The following HSPA12B variants were observed in gnomAD, a reference collection of about 807,000 sequenced individuals.
HSPA12B encodes heat shock protein family A (Hsp70) member 12B, also known as heat shock 70 kDa protein 12B.
In HSPA12B, 54 loss-of-function variants were observed where a neutral mutation model predicts 69.3. The ratio of observed to expected loss-of-function variants is 0.78; its 90% CI spans 0.63 to 0.98. The LOEUF (loss-of-function observed/expected upper bound fraction) is 0.98, where lower values mean the gene tolerates loss of function less well. HSPA12B is among the 50% of genes least tolerant of loss of function. The pLI is 0.00. For synonymous variants in HSPA12B, 441 were observed against 436.5 expected (o/e 1.01, Z -0.13); for missense variants, 929 against 999.8 (o/e 0.93, Z 0.96).
At chr20:3,734,122 C>T (rs148479471) in intron 1 of HSPA12B, among the ~76,000 whole-genome samples, 4,813 of 152,284 alleles carry the variant, frequency 0.032, 95 homozygotes, top group Middle Eastern at 0.068. Context: ...GAGCCGTGAT[C>T]GTGCCACTGC....
Position 3,745,124 on chromosome 20 carries a change from A to C in HSPA12B, c.453+36A>C, listed in dbSNP as rs755472209. The C allele has an allele frequency of 2.7e-6, 4 of 1,500,780 alleles. No individual in the cohort carries two copies. Among genetic ancestry groups the C allele is most frequent in the Non-Finnish European group, 3.7e-6 (4 of 1,085,180 alleles). The allele number at this position is 1,500,780 out of a possible 1,614,324, so 93.0% of individuals were successfully genotyped here. ...GGGCTCCAGACAGGGAGGCGGGGCC[A>C]GCATGGAAAAGGGCAGGGCTAATGG... is the stretch of plus-strand genomic sequence containing the variant. On this transcript the variant is annotated intron_variant, in intron 5 of 12. Transcript: ENST00000254963. The surrounding 1 kb of genome is among the most constrained non-coding windows in gnomAD (Gnocchi z 5.6).
rs776256964 is a variant in HSPA12B, at chr20:3,749,215, T to G, written c.851-17T>G. Reference sequence around the variant, plus strand: ...ACCTCCTTCTAATCTCACTCCCTGCTGTCTCCTGACCCCCAGCTCGGGAGC... The same window carrying G: ...ACCTCCTTCTAATCTCACTCCCTGCGGTCTCCTGACCCCCAGCTCGGGAGC... On this transcript the variant is annotated splice_polypyrimidine_tract_variant and intron_variant, in intron 8 of 12. Coordinates refer to ENST00000254963, the MANE Select transcript of HSPA12B (RefSeq NM_052970.5). The surrounding 1 kb of genome is among the most constrained non-coding windows in gnomAD (Gnocchi z 5.5). 4.5e-5 allele frequency: 72 copies of G among 1,608,904 alleles called. No homozygotes were observed. Among genetic ancestry groups the G allele is most frequent in the Non-Finnish European group, 6.0e-5 (71 of 1,177,450 alleles).
chr20:3,745,710 C>A lies in HSPA12B; in HGVS notation c.558+113C>A. 3 of 1,026,284 alleles carry A rather than the reference C, an allele frequency of 2.9e-6. No homozygotes were observed. Among genetic ancestry groups the A allele is most frequent in the Non-Finnish European group, 4.5e-6 (3 of 670,272 alleles). The allele number at this position is 1,026,284 out of a possible 1,614,324, so 63.6% of individuals were successfully genotyped here. On this transcript the variant is annotated intron_variant, in intron 6 of 12. Transcript: ENST00000254963. The surrounding 1 kb of genome is among the most constrained non-coding windows in gnomAD (Gnocchi z 5.6). The stretch of plus-strand genomic sequence containing the variant: ...ATTGGATGGGTAGCCACCGCCGGAG[C>A]TCAGAGGTCATCTTCTCCAGTACCC...
rs748187474 is a variant in HSPA12B, at chr20:3,750,140, C to A, written c.1214C>A (p.Ala405Glu). 6.7e-5 allele frequency: 108 copies of A among 1,611,690 alleles called. No individual in the cohort carries two copies. The highest frequency in any genetic ancestry group is 8.0e-5 in the Non-Finnish European group (94 of 1,179,388). Residue 405 changes from alanine to glutamate, a missense_variant, in exon 11 of 13, where the codon GCG becomes GAG. Ala to Glu is a moderately radical substitution (Grantham distance 107). Transcript: ENST00000254963. Reference sequence around the variant, plus strand: ...ACTGCTGGCCCACACCGTGCAGGGGCGCTCAACATCTCGCTGCCCTTCTCC... The same window carrying A: ...ACTGCTGGCCCACACCGTGCAGGGGAGCTCAACATCTCGCTGCCCTTCTCC... Reference protein sequence around the residue: ...KRTAGPHRAGALNISLPFSFI... With the variant: ...KRTAGPHRAGELNISLPFSFI...
At chr20:3,741,632 CAAAT>C (rs1454790851) in intron 3 of HSPA12B, among the ~76,000 whole-genome samples, 26 of 152,160 alleles carry the variant, frequency 1.7e-4, no homozygotes, top group Admixed American at 1.6e-3. Context: ...GACCCTGTCT[CAAAT>C]AAAAAGGAAA....
In HSPA12B at chr20:3,740,671, A is replaced by ACC; in HGVS notation, c.44-141_44-140dup. The ACC allele has an allele frequency of 1.5e-6, 1 of 671,392 alleles. No homozygotes were observed. 41.6% of individuals were successfully genotyped at this position (671,392 alleles called of 1,614,324 possible). ...CCTGCGTCATGTGTGTCTTTCCTAC[A>ACC]CCCCGCAGTCCTCCTCCCCAGCAGA... On this transcript the variant is annotated intron_variant, in intron 2 of 12. Transcript: ENST00000254963. The surrounding 1 kb of genome is among the most constrained non-coding windows in gnomAD (Gnocchi z 4.9).
chr20:3,749,809 C>G lies in HSPA12B; in HGVS notation c.997C>G (p.Leu333Val). Residue 333 changes from leucine (L) to valine (V), a missense_variant, in exon 10 of 13, where the codon CTG becomes GTG. Leu to Val is a conservative substitution (Grantham distance 32, BLOSUM62 1). Around this residue, in one of 3 missense-constraint regions of HSPA12B, gnomAD observed 477 missense variants for 535.2 expected, o/e 0.89. Coordinates refer to ENST00000254963, the MANE Select transcript of HSPA12B (RefSeq NM_052970.5). This position sits in a 1 kb window ranked among gnomAD's most constrained non-coding sequence, Gnocchi z 5.5. ...CACCGTGGACCTGACGGTGCACCAG[C>G]TGGAGCAGCCCCATGGCACCCTCAA... ...GGTVDLTVHQ[L>V]EQPHGTLKEL... 1 of 1,608,782 alleles carries G rather than the reference C, an allele frequency of 6.2e-7. No individual in the cohort carries two copies. The highest frequency in any genetic ancestry group is 8.5e-7 in the Non-Finnish European group (1 of 1,178,546).
chr20:3,741,937 C>T (rs1015895105), intron 3 of HSPA12B, among the ~76,000 whole-genome samples: 14 of 151,912 alleles, frequency 9.2e-5, no homozygotes, highest in African/African-American at 3.1e-4. Context: ...AGCAAAATTG[C>T]TCCCAGCTGG....
rs574891406 is a variant in HSPA12B at position 3,742,896 on chromosome 20, C to T, written c.266+488C>T. Among the ~76,000 whole-genome samples, 8 of 149,728 alleles carry T rather than the reference C, an allele frequency of 5.3e-5. No homozygotes were observed. The East Asian group carries it at 1.4e-3, about 26-fold the overall frequency. The stretch of plus-strand genomic sequence containing the variant: ...TGGGGTTTTTTGTTTTTTTTTGAGA[C>T]GGAGTCTCACTCTGTTGTCCAGGCT... On this transcript the variant is annotated intron_variant, in intron 4 of 12. Coordinates refer to ENST00000254963, the MANE Select transcript of HSPA12B (RefSeq NM_052970.5).
chr20:3,751,050 A>C (rs1175303263), intron 12 of HSPA12B, 143 bp downstream of exon 12: 2 of 897,274 alleles, frequency 2.2e-6, no homozygotes, highest in Non-Finnish European at 3.5e-6. Context: ...CTGCGGGATG[A>C]AGTGCAGTGG....
chr20:3,736,761 G>A (rs1293402388), intron 1 of HSPA12B, among the ~76,000 whole-genome samples: 1 of 152,204 alleles, frequency 6.6e-6, no homozygotes, highest in African/African-American at 2.4e-5. Flanking sequence ...GGTGGCTTAC[G>A]CCTGTAATCC....
At chr20:3,733,165 T>C (rs543910810) in intron 1 of HSPA12B, among the ~76,000 whole-genome samples, 1 of 151,938 alleles carries the variant, frequency 6.6e-6, no homozygotes, top group South Asian at 2.1e-4. Context: ...GTTGAGTGTA[T>C]GTGTGTGTGT....
chr20:3,739,844 TG>T (rs1256281001), intron 2 of HSPA12B, among the ~76,000 whole-genome samples: 5 of 152,158 alleles, frequency 3.3e-5, no homozygotes, highest in African/African-American at 1.2e-4. Flanking sequence ...CTGCCTGATT[TG>T]TCCATGGAGC....
rs997307408 is a variant in HSPA12B at position 3,751,527 on chromosome 20, G to A, written c.1422G>A (p.Arg474=). 2.8e-6 allele frequency: 4 copies of A among 1,448,182 alleles called. No homozygotes were observed. The highest frequency in any genetic ancestry group is 3.6e-6 in the Non-Finnish European group (4 of 1,101,364). 89.7% of individuals were successfully genotyped at this position (1,448,182 alleles called of 1,614,324 possible). A position where few individuals can be genotyped will look rare whatever the true frequency, so the allele number is the denominator to read the frequency against. The change falls in exon 13 of 13, where the codon CGG becomes CGA. Residue 474 remains arginine (R), a synonymous_variant. Transcript: ENST00000254963. ...IIQHIEALLA[R]PEVQGVKLLF... Reference sequence around the variant, plus strand: ...GTCCCGCAGAGGCCCTGCTGGCACGGCCGGAGGTGCAGGGTGTGAAGCTGC... The same window carrying A: ...GTCCCGCAGAGGCCCTGCTGGCACGACCGGAGGTGCAGGGTGTGAAGCTGC...
At chr20:3,751,307 G>C (rs1015322311) in intron 12 of HSPA12B, 3 of 985,434 alleles carry the variant, frequency 3.0e-6, no homozygotes, top group East Asian at 1.1e-4. Flanking sequence ...AGTGGGGAGC[G>C]TGAGTGTTGG....
Position 3,745,791 on chromosome 20 carries a change from C to T in HSPA12B, c.559-124C>T. ...CAAGCCATACTGATGGGAGGGGGGCCGATTCTTCCAGCTCTGCTGGGAAGT... is the reference window on the plus strand; with the variant it reads ...CAAGCCATACTGATGGGAGGGGGGCTGATTCTTCCAGCTCTGCTGGGAAGT... On this transcript the variant is annotated intron_variant, in intron 6 of 12. Coordinates refer to ENST00000254963, the MANE Select transcript of HSPA12B (RefSeq NM_052970.5). This position sits in a 1 kb window ranked among gnomAD's most constrained non-coding sequence, Gnocchi z 5.6. 14 of 1,014,024 alleles carry T rather than the reference C, an allele frequency of 1.4e-5. No homozygotes were observed. The South Asian group carries it at 1.7e-4, about 12-fold the overall frequency. 62.8% of individuals were successfully genotyped at this position (1,014,024 alleles called of 1,614,324 possible). A position where few individuals can be genotyped will look rare whatever the true frequency, so the allele number is the denominator to read the frequency against.
chr20:3,742,671 CAAT>C (rs2088222812), intron 4 of HSPA12B, among the ~76,000 whole-genome samples: 2 of 151,616 alleles, frequency 1.3e-5, no homozygotes. Context: ...ACAAACATAA[CAAT>C]AAAATATGCA....
rs1324542103 is a variant in HSPA12B, at chr20:3,744,531, G to A, written c.267-371G>A. Reference sequence around the variant, plus strand: ...CTACTTCTCTCCATGGCCACTGATCGTGCCCAAGTTCAGCCCCGACCTTCT... The same window carrying A: ...CTACTTCTCTCCATGGCCACTGATCATGCCCAAGTTCAGCCCCGACCTTCT... On this transcript the variant is annotated intron_variant, in intron 4 of 12. Transcript: ENST00000254963. This position sits in a 1 kb window ranked among gnomAD's most constrained non-coding sequence, Gnocchi z 4.9. Among the ~76,000 whole-genome samples the A allele has an allele frequency of 2.0e-5, 3 of 152,112 alleles. No individual in the cohort carries two copies. Among genetic ancestry groups the A allele is most frequent in the South Asian group, 2.1e-4 (1 of 4,828 alleles).
chr20:3,744,989 T>C lies in HSPA12B; in HGVS notation c.354T>C (p.Phe118=). ...LLTPEGAFHS[F]GYTARDYYHD... ...CTCCGGAGGGCGCCTTCCACAGCTT[T>C]GGCTACACCGCCCGCGATTACTACC... Residue 118 remains phenylalanine (F), a synonymous_variant, in exon 5 of 13, where the codon TTT becomes TTC. Transcript: ENST00000254963. This position sits in a 1 kb window ranked among gnomAD's most constrained non-coding sequence, Gnocchi z 4.9. 1 of 1,613,958 alleles carries C rather than the reference T, an allele frequency of 6.2e-7. No homozygotes were observed. The highest frequency in any genetic ancestry group is 1.7e-5 in the Admixed American group (1 of 60,026).
Sources: allele counts gnomAD v4.1 joint callset (sites outside exome capture counted in the v4.1 genomes callset), GRCh38; gene constraint gnomAD v4.1.1; regional missense constraint gnomAD v4.1.1; non-coding constraint Gnocchi (gnomAD v3.1); transcripts MANE v1.5; gene names NCBI Gene and HGNC (gene_info 2026-07-23, HGNC 2026-07-21).